The following TAF11L2 variants were observed in gnomAD, a reference collection of about 807,000 sequenced individuals.
The protein encoded by TAF11L2 is TATA-box binding protein associated factor 11 like 2, also known as TATA-box binding protein associated factor 11 like protein 2.
chr5:17,498,289 T>G (rs1332385981), exon 1 of TAF11L2: 1 of 398,218 alleles, frequency 2.5e-6, no homozygotes, highest in Non-Finnish European at 4.4e-6. Context: ...CCCCGAGATC[T>G]GAAGGGCAGC....
rs925801480 is a variant in TAF11L2, at chr5:17,498,769, G to T, written c.539G>T (p.Arg180Leu). 2.7e-4 allele frequency: 106 copies of T among 398,634 alleles called. 2 individuals are homozygous for T. The highest frequency in any genetic ancestry group is 1.7e-3 in the African/African-American group (81 of 48,402). The allele number at this position is 398,634 out of a possible 1,614,324, so 24.7% of individuals were successfully genotyped here. A position where few individuals can be genotyped will look rare whatever the true frequency, so the allele number is the denominator to read the frequency against. ...CCCAAGCATTTAAGGGAGGCTGTTC[G>T]CAGGTTAAAGCCCAAGGGCCTCTTC... The change falls in exon 1 of 1, where the codon CGC becomes CTC. Residue 180 changes from arginine (R) to leucine (L), a missense_variant. Transcript: ENST00000639081.
exon 1 of TAF11L2, chr5:17,498,591 T>C (rs574873141): frequency 2.0e-4 from 79 of 398,838 alleles, no homozygotes; most frequent in Middle Eastern, 1.3e-3. Flanking sequence ...CCCAAAAGCA[T>C]GCATTGCGGG....
Position 17,498,600 on chromosome 5 carries a change from G to C in TAF11L2, c.370G>C (p.Gly124Arg), listed in dbSNP as rs1370544714. 4 of 398,690 alleles carry C rather than the reference G, an allele frequency of 1.0e-5. No homozygotes were observed. In the South Asian group the frequency reaches 3.8e-4, roughly 38 times the overall value. The allele number at this position is 398,690 out of a possible 1,614,324, so 24.7% of individuals were successfully genotyped here. A position where few individuals can be genotyped will look rare whatever the true frequency, so the allele number is the denominator to read the frequency against. Residue 124 changes from glycine (G) to arginine (R), a missense_variant, in exon 1 of 1, where the codon GGT (glycine) becomes CGT (arginine). Coordinates refer to ENST00000639081, the Ensembl canonical transcript of TAF11L2. ...AGCTTTCCCAAAAGCATGCATTGCGGGTCTGATGCGGTCTATCACTGGCAG... is the reference window on the plus strand; with the variant it reads ...AGCTTTCCCAAAAGCATGCATTGCGCGTCTGATGCGGTCTATCACTGGCAG...
exon 1 of TAF11L2, chr5:17,498,531 A>G (rs1738263630): frequency 5.0e-6 from 2 of 398,886 alleles, no homozygotes; most frequent in Non-Finnish European, 8.8e-6. Context: ...GCTGTCTGCC[A>G]TGTCTGAGGA....
chr5:17,498,513 A>C (rs888912146), exon 1 of TAF11L2: 27 of 398,768 alleles, frequency 6.8e-5, no homozygotes, highest in Non-Finnish European at 9.7e-5. Context: ...TCAGAGGATG[A>C]CAACCCTGCT....
At chr5:17,498,343 A>T (rs62348800) in exon 1 of TAF11L2, 3 of 398,338 alleles carry the variant, frequency 7.5e-6, no homozygotes, top group Non-Finnish European at 1.3e-5. Flanking sequence ...AACTTGGAAG[A>T]ACCCAGGGAT....
At chr5:17,498,592 G>T (rs943170235) in exon 1 of TAF11L2, 8 of 398,762 alleles carry the variant, frequency 2.0e-5, no homozygotes, top group African/African-American at 1.7e-4. Flanking sequence ...CCAAAAGCAT[G>T]CATTGCGGGT....
At chr5:17,498,496 A>T (rs1388335419) in exon 1 of TAF11L2, 1 of 398,834 alleles carries the variant, frequency 2.5e-6, no homozygotes, top group Non-Finnish European at 4.4e-6. Context: ...GTGGATGCAG[A>T]GGAGGCTCAG....
chr5:17,498,282 C>G (rs188076203), exon 1 of TAF11L2: 1 of 398,520 alleles, frequency 2.5e-6, no homozygotes, highest in African/African-American at 2.1e-5. Flanking sequence ...CGCCATGCCC[C>G]GAGATCTGAA....
chr5:17,498,272 C>T (rs778249402), exon 1 of TAF11L2: 2 of 398,506 alleles, frequency 5.0e-6, no homozygotes, highest in Admixed American at 4.4e-5. Context: ...CTGAGATGTT[C>T]GCCATGCCCC....
exon 1 of TAF11L2, chr5:17,498,680 T>G (rs536328548): frequency 2.5e-6 from 1 of 398,710 alleles, no homozygotes; most frequent in African/African-American, 2.1e-5. Flanking sequence ...AGGTCTTTGT[T>G]GGAGAGGTGG....
chr5:17,498,647 G>A (rs532057099), exon 1 of TAF11L2: 4 of 398,640 alleles, frequency 1.0e-5, no homozygotes, highest in South Asian at 2.5e-4. Context: ...AGAACGTGGC[G>A]ATTGCCATGG....
chr5:17,498,557 C>T (rs1368976489), exon 1 of TAF11L2: 5 of 398,800 alleles, frequency 1.3e-5, no homozygotes, highest in African/African-American at 6.2e-5. Flanking sequence ...TGTCCCGCTA[C>T]GAAGTGTGTC....
exon 1 of TAF11L2, chr5:17,498,668 C>A (rs1738268708): frequency 2.5e-6 from 1 of 398,744 alleles, no homozygotes; most frequent in Admixed American, 4.4e-5. Context: ...CTGGAATAGC[C>A]AAGGTCTTTG....
At chr5:17,498,757 G>A (rs1738270461) in exon 1 of TAF11L2, 2 of 398,548 alleles carry the variant, frequency 5.0e-6, no homozygotes, top group Non-Finnish European at 8.8e-6. Flanking sequence ...AAGCATTTAA[G>A]GGAGGCTGTT....
At chr5:17,498,553 G>A (rs532896141) in exon 1 of TAF11L2, 3 of 398,856 alleles carry the variant, frequency 7.5e-6, no homozygotes, top group Middle Eastern at 6.3e-4. Context: ...CAGCTGTCCC[G>A]CTACGAAGTG....
exon 1 of TAF11L2, chr5:17,498,759 G>C: frequency 5.0e-6 from 2 of 398,626 alleles, no homozygotes; most frequent in Middle Eastern, 6.3e-4. Context: ...GCATTTAAGG[G>C]AGGCTGTTCG....
Sources: allele counts gnomAD v4.1 joint callset, GRCh38; gene constraint gnomAD v4.1.1; transcripts MANE v1.5; gene names NCBI Gene and HGNC (gene_info 2026-07-23, HGNC 2026-07-21).